Variants in CCDC32 observed in about 807,000 individuals in gnomAD.
CCDC32 encodes coiled-coil domain containing 32.
CCDC32 carries 9 observed loss-of-function variants against 20.1 expected under a neutral mutation model. That is an observed-to-expected ratio of 0.45 (90% CI 0.27 to 0.78). The LOEUF (loss-of-function observed/expected upper bound fraction) is 0.78. Ranked by LOEUF, CCDC32 falls within the 30% of genes least tolerant of loss-of-function variation. The pLI is 0.16. For missense variants in CCDC32, 204 were observed against 215.5 expected, an observed-to-expected ratio of 0.95 and a Z score of 0.33; for synonymous variants, 63 against 79.0, an observed-to-expected ratio of 0.80 and a Z score of 1.07.
intron 2 of CCDC32, 177 bp from the exon 3 acceptor site, chr15:40,557,549 C>G: frequency 1.7e-6 from 1 of 587,906 alleles, no homozygotes; most frequent in Non-Finnish European, 2.8e-6. Flanking sequence ...CTTCCTTTTT[C>G]CTTCACAAAG....
intron 3 of CCDC32, 151 bp from the exon 4 acceptor site, chr15:40,554,278 T>C: frequency 8.6e-7 from 1 of 1,164,686 alleles, no homozygotes. Flanking sequence ...AGTACAAGGA[T>C]ACTCCTAATG....
downstream of CCDC32, chr15:40,534,808 C>A: frequency 2.9e-6 from 2 of 684,700 alleles, no homozygotes; most frequent in Admixed American, 4.1e-5. Context: ...TCTCCATATA[C>A]CATCACATCA....
downstream of CCDC32, among the ~76,000 whole-genome samples, chr15:40,548,626 A>G (rs548330031): frequency 8.5e-5 from 13 of 152,090 alleles, no homozygotes; most frequent in African/African-American, 2.9e-4. Flanking sequence ...ACTTACTTAT[A>G]TGTCTGATGC....
intron 1 of CCDC32, 98 bp downstream of exon 1, chr15:40,564,878 C>T (rs1035470105): frequency 6.8e-5 from 103 of 1,511,554 alleles, no homozygotes; most frequent in Admixed American, 6.4e-4. Context: ...GCTGTCTGGA[C>T]GGGATGAATC....
intron 3 of CCDC32, among the ~76,000 whole-genome samples, chr15:40,539,840 CCACACACA>C (rs142688774): frequency 2.4e-3 from 324 of 134,624 alleles, no homozygotes; most frequent in African/African-American, 4.5e-3. Context: ...CAAACTGTTG[CCACACACA>C]CACACACACA....
downstream of CCDC32, chr15:40,535,336 C>T: frequency 8.4e-7 from 1 of 1,195,672 alleles, no homozygotes; most frequent in Non-Finnish European, 1.0e-6. Flanking sequence ...CCAGCCTCTC[C>T]ATAGCATCTG....
chr15:40,563,629 TACAC>T (rs1890804613), intron 1 of CCDC32, among the ~76,000 whole-genome samples: 3 of 151,766 alleles, frequency 2.0e-5, no homozygotes, highest in African/African-American at 7.3e-5. Flanking sequence ...CACTGAATCA[TACAC>T]ACAAAAATAG....
chr15:40,525,030 G>A (rs1353693734), downstream of CCDC32, among the ~76,000 whole-genome samples: 2 of 151,002 alleles, frequency 1.3e-5, no homozygotes, highest in Admixed American at 1.3e-4. Flanking sequence ...GCCCAGCCAA[G>A]CTGTTCTTTT....
chr15:40,554,439 G>C (rs1890100247), intron 3 of CCDC32, among the ~76,000 whole-genome samples: 1 of 146,016 alleles, frequency 6.8e-6, no homozygotes, highest in Non-Finnish European at 1.5e-5. Context: ...AAGACCTAAA[G>C]ATAGGTCTTT....
intron 1 of CCDC32, among the ~76,000 whole-genome samples, chr15:40,563,852 G>A (rs1890832546): frequency 6.8e-6 from 1 of 146,164 alleles, no homozygotes; most frequent in Non-Finnish European, 1.5e-5. Context: ...ACAGAGTCTC[G>A]CTCTGTCGCC....
intron 2 of CCDC32, among the ~76,000 whole-genome samples, chr15:40,561,226 G>A (rs568768230): frequency 7.8e-4 from 119 of 152,288 alleles, no homozygotes; most frequent in African/African-American, 2.8e-3. Flanking sequence ...TGTAATCCCA[G>A]CACTCTGGGA....
chr15:40,541,693 C>T (rs1889402719), intron 3 of CCDC32, among the ~76,000 whole-genome samples: 1 of 152,208 alleles, frequency 6.6e-6, no homozygotes, highest in Admixed American at 6.5e-5. Flanking sequence ...CACAGTGGAC[C>T]TACTCAACAC....
At chr15:40,528,767 G>A (rs1595881606) in exon 4 of CCDC32, 2 of 700,532 alleles carry the variant, frequency 2.9e-6, no homozygotes, top group East Asian at 2.7e-5. Flanking sequence ...AAAGCCCTTA[G>A]CACAGATCCC....
chr15:40,527,862 C>T (rs1452163501), downstream of CCDC32, among the ~76,000 whole-genome samples: 1 of 152,206 alleles, frequency 6.6e-6, no homozygotes, highest in Non-Finnish European at 1.5e-5. Flanking sequence ...AAATACACTT[C>T]TTTTCTTTAT....
chr15:40,556,110 C>T (rs900855088), intron 3 of CCDC32, among the ~76,000 whole-genome samples: 4 of 152,232 alleles, frequency 2.6e-5, no homozygotes, highest in African/African-American at 9.6e-5. Flanking sequence ...TACCCAAGAA[C>T]ATACAACCAG....
downstream of CCDC32, chr15:40,536,129 C>T (rs1423214994): frequency 1.3e-5 from 2 of 152,260 alleles, no homozygotes; most frequent in Non-Finnish European, 2.9e-5. Context: ...CACCAGGAGA[C>T]ACAGGACTAG....
At chr15:40,525,123 C>T (rs1402708689), downstream of CCDC32, among the ~76,000 whole-genome samples, 2 of 151,590 alleles carry the variant, frequency 1.3e-5, no homozygotes, top group Non-Finnish European at 2.9e-5. Context: ...CTCTGCCACC[C>T]GGGTTCAAGC....
Position 40,562,817 on chromosome 15 carries a change from G to C in CCDC32, c.199C>G (p.Pro67Ala), listed in dbSNP as rs1250751352. 1.2e-6 allele frequency: 2 copies of C among 1,614,174 alleles called. No homozygotes were observed. Among genetic ancestry groups the C allele is most frequent in the East Asian group, 2.2e-5 (1 of 44,884 alleles). Residue 67 changes from proline to alanine, a missense_variant, in exon 2 of 4, where the codon CCT becomes GCT. Physicochemically the swap from Pro to Ala is conservative, Grantham distance 27. Coordinates refer to ENST00000416810, the MANE Select transcript of CCDC32 (RefSeq NM_001080792.4). ...ADFAVQPAVK[P>A]WAPLQDSEVY... ...TCTGAATCCTGCAAGGGAGCCCAAG[G>C]CTTTACAGCTGGCTGGACAGCAAAG...
chr15:40,539,880 A>ACACACACCCC (rs769226221), intron 3 of CCDC32, among the ~76,000 whole-genome samples: 12 of 139,040 alleles, frequency 8.6e-5, no homozygotes, highest in African/African-American at 3.1e-4. Flanking sequence ...ACACACACAC[A>ACACACACCCC]CCCCGCTCCT....
Sources: allele counts gnomAD v4.1 joint callset (sites outside exome capture counted in the v4.1 genomes callset), GRCh38; gene constraint gnomAD v4.1.1; transcripts MANE v1.5; gene names NCBI Gene and HGNC (gene_info 2026-07-23, HGNC 2026-07-21).